Variants in MYBPC2 observed in about 807,000 individuals in gnomAD.
MYBPC2 encodes myosin binding protein C2, also known as myosin-binding protein C, fast-type.
MYBPC2 carries 122 observed loss-of-function variants against 137.0 expected under a neutral mutation model. The ratio of observed to expected loss-of-function variants is 0.89; its 90% CI spans 0.77 to 1.03. The LOEUF (loss-of-function observed/expected upper bound fraction) is 1.03, where lower values mean the gene tolerates loss of function less well. Among genes scored for constraint, MYBPC2 ranks in the 50% least tolerant of loss-of-function variants. MYBPC2 has a pLI of 0.00. For missense variants in MYBPC2, 1,500 were observed against 1,534.4 expected (o/e 0.98, Z 0.37); for synonymous variants, 626 against 612.3 (o/e 1.02, Z -0.33).
At chr19:50,453,021 C>T (rs145428640) in intron 16 of MYBPC2, among the ~76,000 whole-genome samples, 4 of 152,354 alleles carry the variant, frequency 2.6e-5, no homozygotes, top group African/African-American at 7.2e-5. Flanking sequence ...ACTCAGCGTA[C>T]ATCCCCTAAA....
Position 50,432,932 on chromosome 19 carries a change from G to A in MYBPC2, c.-22G>A. 2 of 1,605,636 alleles carry A rather than the reference G, an allele frequency of 1.2e-6. No individual in the cohort carries two copies. The highest frequency in any genetic ancestry group is 2.1e-4 in the Middle Eastern group (1 of 4,786). Reference sequence around the variant, plus strand: ...TAGCGGGACGCGGCTGCGGTCAGAGGAGCAGGAGGAGGTCCCCCGACATGC... The same window carrying A: ...TAGCGGGACGCGGCTGCGGTCAGAGAAGCAGGAGGAGGTCCCCCGACATGC... On this transcript the variant is annotated 5_prime_UTR_variant, in exon 1 of 28. Coordinates refer to ENST00000357701, the MANE Select transcript of MYBPC2 (RefSeq NM_004533.4). This position sits in a 1 kb window ranked among gnomAD's most constrained non-coding sequence, Gnocchi z 5.5.
At position 50,455,150 on chromosome 19, in the gene MYBPC2, T is replaced by G. The variant is rs370415039; in HGVS notation, c.2057T>G (p.Met686Arg). The G allele has an allele frequency of 1.6e-4, 256 of 1,613,672 alleles. 1 individual carries two copies. The highest frequency in any genetic ancestry group is 2.0e-4 in the Non-Finnish European group (234 of 1,179,870). ...ERKKKGSQRWMKLNFEVFTET... is the reference protein window; with the variant it reads ...ERKKKGSQRWRKLNFEVFTET... ...AAGAAGAAGGGCTCTCAGCGCTGGA[T>G]GAAGCTGAACTTTGAGGTCTTCACA... is the stretch of plus-strand genomic sequence containing the variant. Residue 686 changes from methionine (M) to arginine (R), a missense_variant, in exon 19 of 28, where the codon ATG becomes AGG. Physicochemically the swap from Met to Arg is moderately conservative, Grantham distance 91 (BLOSUM62 -1). Transcript: ENST00000357701.
At chr19:50,451,837 G>T (rs2039861339) in intron 15 of MYBPC2, 27 bp from the exon 16 acceptor site, 1 of 1,581,140 alleles carries the variant, frequency 6.3e-7, no homozygotes, top group East Asian at 2.3e-5. Flanking sequence ...CACTCCCAGG[G>T]TCCCTGTATC....
At chr19:50,458,173 G>T (rs1295330890) in intron 20 of MYBPC2, among the ~76,000 whole-genome samples, 1 of 151,476 alleles carries the variant, frequency 6.6e-6, no homozygotes, top group Non-Finnish European at 1.5e-5. Context: ...AGCTGGGCGT[G>T]GTGGTGCGAG....
intron 13 of MYBPC2, among the ~76,000 whole-genome samples, chr19:50,449,552 A>G (rs1243899572): frequency 2.0e-5 from 3 of 152,250 alleles, no homozygotes; most frequent in Admixed American, 2.0e-4. Context: ...AAGGGCTGGG[A>G]AGCAGATTCC....
At chr19:50,461,341 C>T (rs111328151) in intron 24 of MYBPC2, among the ~76,000 whole-genome samples, 9 of 152,104 alleles carry the variant, frequency 5.9e-5, no homozygotes, top group African/African-American at 1.2e-4. Context: ...TTGTCTGGGC[C>T]GACTGTTTTG....
At position 50,436,071 on chromosome 19, in the gene MYBPC2, A is replaced by C. The variant is rs1354360341; in HGVS notation, c.256A>C (p.Ile86Leu). Reference sequence around the variant, plus strand: ...GAAGGAGCTCCCAGACAAACCGACCATCAAGTGGTTCAAGGGGAAGTGGCT... The same window carrying C: ...GAAGGAGCTCCCAGACAAACCGACCCTCAAGTGGTTCAAGGGGAAGTGGCT... ...NGKELPDKPT[I>L]KWFKGKWLEL... The change falls in exon 4 of 28, where the codon ATC becomes CTC. Residue 86 changes from isoleucine (I) to leucine (L), a missense_variant. By Grantham distance (5) the Ile-to-Leu change is conservative. Transcript: ENST00000357701. 6.3e-7 allele frequency: 1 copy of C among 1,584,730 alleles called. No individual in the cohort carries two copies. Among genetic ancestry groups the C allele is most frequent in the Admixed American group, 1.8e-5 (1 of 55,480 alleles).
chr19:50,453,964 C>T, intron 16 of MYBPC2, 56 bp from the exon 17 acceptor site: 1 of 1,529,280 alleles, frequency 6.5e-7, no homozygotes, highest in East Asian at 2.4e-5. Context: ...CAGAGGCAGG[C>T]CTGGGTTTGC....
rs2039999958 is a variant in MYBPC2, at chr19:50,464,733, G to A, written c.3415+201G>A. The stretch of plus-strand genomic sequence containing the variant: ...GGTTGGGGAGCCCCTGACCCAGCTT[G>A]GGAAGGAGTCAGATTTTTCCAAAGG... On this transcript the variant is annotated intron_variant, in intron 27 of 27. Coordinates refer to ENST00000357701, the MANE Select transcript of MYBPC2 (RefSeq NM_004533.4). Among the ~76,000 whole-genome samples the A allele has an allele frequency of 2.6e-5, 4 of 152,286 alleles. No individual in the cohort carries two copies. In the South Asian group the frequency reaches 6.2e-4, roughly 24 times the overall value.
Position 50,451,398 on chromosome 19 carries a change from G to A in MYBPC2, c.1609+89G>A, listed in dbSNP as rs560925118. ...GGGAATGGCCGAGGGAGGATAGGCA[G>A]GGCGAGGAAGGATGGGCGGGGTGCG... On this transcript the variant is annotated intron_variant, in intron 15 of 27. Coordinates refer to ENST00000357701, the MANE Select transcript of MYBPC2 (RefSeq NM_004533.4). 5 of 1,460,830 alleles carry A rather than the reference G, an allele frequency of 3.4e-6. No homozygotes were observed. The Admixed American group carries it at 6.8e-5, about 20-fold the overall frequency. The allele number at this position is 1,460,830 out of a possible 1,614,324, so 90.5% of individuals were successfully genotyped here.
chr19:50,448,919 A>G (rs533629922), intron 13 of MYBPC2, among the ~76,000 whole-genome samples: 21 of 151,842 alleles, frequency 1.4e-4, no homozygotes, highest in African/African-American at 5.1e-4. Context: ...TAGTCAAGAC[A>G]GAGTTTCACC....
In MYBPC2 at chr19:50,465,089, T is replaced by A. The variant is rs2040003298; in HGVS notation, c.3415+557T>A. Among the ~76,000 whole-genome samples, 1 of 151,990 alleles carries A rather than the reference T, an allele frequency of 6.6e-6. No individual in the cohort carries two copies. Among genetic ancestry groups the A allele is most frequent in the Admixed American group, 6.6e-5 (1 of 15,248 alleles). On this transcript the variant is annotated intron_variant, in intron 27 of 27. Coordinates refer to ENST00000357701, the MANE Select transcript of MYBPC2 (RefSeq NM_004533.4). This position sits in a 1 kb window ranked among gnomAD's most constrained non-coding sequence, Gnocchi z 4.5. ...AGTCTCTCCCTCCTGCCAGCCACTT[T>A]CACCCTTGGACTCTGGCCCCAGAGA...
At chr19:50,450,709 G>A (rs1023589558) in intron 13 of MYBPC2, 120 bp from the exon 14 acceptor site, 2 of 688,718 alleles carry the variant, frequency 2.9e-6, no homozygotes, top group Non-Finnish European at 5.0e-6. Flanking sequence ...GCGTTCCAAA[G>A]CCCTGGATAA....
In MYBPC2 at chr19:50,435,714, G is replaced by T; in HGVS notation, c.110-62G>T. 7.1e-7 allele frequency: 1 copy of T among 1,399,828 alleles called. No individual in the cohort carries two copies. The allele number at this position is 1,399,828 out of a possible 1,614,324, so 86.7% of individuals were successfully genotyped here. On this transcript the variant is annotated intron_variant, in intron 2 of 27. Transcript: ENST00000357701. The surrounding 1 kb of genome is among the most constrained non-coding windows in gnomAD (Gnocchi z 4.8). ...GTCTCTAAGTCCTTTCCCCAAAGCG[G>T]CCCACTGTCCCCTCCCCAGCCTATC...
chr19:50,463,657 G>A (rs926773024), intron 26 of MYBPC2, among the ~76,000 whole-genome samples: 1 of 152,142 alleles, frequency 6.6e-6, no homozygotes, highest in Non-Finnish European at 1.5e-5. Flanking sequence ...TGAAGGGCTG[G>A]GCCAGACACG....
intron 12 of MYBPC2, among the ~76,000 whole-genome samples, chr19:50,447,871 T>A (rs4002821): frequency 1.3e-4 from 20 of 151,752 alleles, no homozygotes; most frequent in African/African-American, 4.8e-4. Flanking sequence ...AAAAAATAAA[T>A]AAATAAAATA....
chr19:50,452,223 A>C (rs746178291), intron 16 of MYBPC2, among the ~76,000 whole-genome samples: 1 of 152,202 alleles, frequency 6.6e-6, no homozygotes, highest in African/African-American at 2.4e-5. Flanking sequence ...TAATTAATCA[A>C]GTGATCGACC....
chr19:50,456,171 A>G (rs1376543390), intron 20 of MYBPC2, among the ~76,000 whole-genome samples: 1 of 138,970 alleles, frequency 7.2e-6, no homozygotes, highest in African/African-American at 2.8e-5. Context: ...ATTTCCATCT[A>G]TCCATCCATC....
chr19:50,443,682 G>A (rs1176505556), intron 10 of MYBPC2, 29 bp from the exon 11 acceptor site: 36 of 1,611,182 alleles, frequency 2.2e-5, no homozygotes, highest in Non-Finnish European at 2.9e-5. Context: ...GTCCTGAAAC[G>A]ACTGACCTCC....
Sources: gnomAD v4.1 joint callset for allele counts (sites outside exome capture counted in the v4.1 genomes callset) on GRCh38, gnomAD v4.1.1 for gene constraint, Gnocchi (gnomAD v3.1) non-coding constraint, MANE v1.5 for transcripts, NCBI Gene and HGNC (gene_info 2026-07-23, HGNC 2026-07-21) for gene names.